RYR2: variants seen among roughly 807,000 people sequenced by gnomAD.
The protein encoded by RYR2 is cardiac muscle ryanodine receptor-calcium release channel.
In RYR2, 227 loss-of-function variants were observed where a neutral mutation model predicts 601.1. The ratio of observed to expected loss-of-function variants is 0.38; its 90% CI spans 0.34 to 0.42. The LOEUF (loss-of-function observed/expected upper bound fraction) is 0.42, where lower values mean the gene tolerates loss of function less well. Ranked by LOEUF, RYR2 falls within the 10% of genes least tolerant of loss-of-function variation. The probability of loss-of-function intolerance (pLI) is 1.00; values close to 1 mark genes in which losing one functional copy is unlikely to be tolerated. For missense variants in RYR2, 4,646 were observed against 6,156.5 expected (o/e 0.75, Z 8.21); for synonymous variants, 2,223 against 2,175.1 (o/e 1.02, Z -0.61).
At chr1:237,685,525 A>C (rs535699085) in intron 62 of RYR2, among the ~76,000 whole-genome samples, 1 of 152,378 alleles carries the variant, frequency 6.6e-6, no homozygotes, top group East Asian at 1.9e-4. Context: ...ATTCTGGATC[A>C]TCAAGAATAT....
intron 40 of RYR2, among the ~76,000 whole-genome samples, chr1:237,626,825 C>G (rs572907849): frequency 6.6e-6 from 1 of 151,940 alleles, no homozygotes; most frequent in East Asian, 1.9e-4. Context: ...CCATCCACCT[C>G]AGATTCCCAA....
intron 90 of RYR2, among the ~76,000 whole-genome samples, chr1:237,785,615 G>A (rs764318792): frequency 3.9e-5 from 6 of 152,198 alleles, no homozygotes; most frequent in African/African-American, 1.2e-4. Flanking sequence ...TGGCAATGCC[G>A]CTATGGTTTA....
chr1:237,187,820 ATT>A (rs1679536640), intron 1 of RYR2, among the ~76,000 whole-genome samples: 3 of 152,200 alleles, frequency 2.0e-5, no homozygotes, highest in African/African-American at 7.2e-5. Context: ...GTGTCCAGAG[ATT>A]ATTTGAGATT....
At position 237,163,317 on chromosome 1, in the gene RYR2, T is replaced by A. The variant is rs947952725; in HGVS notation, c.49-107180T>A. ...TCCTCACCAGTTACAGAAAAGAGGT[T>A]GTAGCTAGCAAAAAGTACCGCCCAC... On this transcript the variant is annotated intron_variant, in intron 1 of 104. Coordinates refer to ENST00000366574, the MANE Select transcript of RYR2 (RefSeq NM_001035.3). Among the ~76,000 whole-genome samples the A allele has an allele frequency of 2.0e-5, 3 of 151,880 alleles. No individual in the cohort carries two copies. In the East Asian group the frequency reaches 5.8e-4, roughly 30 times the overall value.
intron 41 of RYR2, among the ~76,000 whole-genome samples, 173 bp from the exon 42 acceptor site, chr1:237,631,251 TATC>T (rs1369094122): frequency 6.6e-6 from 1 of 152,204 alleles, no homozygotes; most frequent in East Asian, 1.9e-4. Context: ...TTTGGTAAAT[TATC>T]AATATTTTTG....
intron 21 of RYR2, among the ~76,000 whole-genome samples, chr1:237,502,232 A>G (rs1664714535): frequency 6.6e-6 from 1 of 152,232 alleles, no homozygotes; most frequent in African/African-American, 2.4e-5. Context: ...CAGGAAATAT[A>G]TATCATTTAA....
chr1:237,382,372 T>A (rs914615517), intron 8 of RYR2, among the ~76,000 whole-genome samples: 3 of 152,192 alleles, frequency 2.0e-5, no homozygotes, highest in African/African-American at 7.2e-5. Flanking sequence ...CTTTTTTTAT[T>A]TTTTATTGTT....
chr1:237,452,943 AT>A (rs1352917717), intron 14 of RYR2, among the ~76,000 whole-genome samples: 1 of 152,016 alleles, frequency 6.6e-6, no homozygotes, highest in Non-Finnish European at 1.5e-5. Context: ...TACATTCCTC[AT>A]GGTAGATATG....
chr1:237,187,173 C>CTT (rs71178402), intron 1 of RYR2, among the ~76,000 whole-genome samples: 30 of 146,700 alleles, frequency 2.0e-4, no homozygotes, highest in Non-Finnish European at 3.2e-4. Flanking sequence ...GTCACATAGA[C>CTT]TTTTTTTTTT....
chr1:237,769,883 A>G (rs1694141063), intron 84 of RYR2, among the ~76,000 whole-genome samples: 2 of 152,084 alleles, frequency 1.3e-5, no homozygotes, highest in Admixed American at 1.3e-4. Flanking sequence ...TCTGTCTTGA[A>G]AATCAGCTTC....
intron 76 of RYR2, among the ~76,000 whole-genome samples, chr1:237,727,739 G>A (rs1317060978): frequency 6.6e-6 from 1 of 152,040 alleles, no homozygotes. Context: ...TAGCATTAGG[G>A]GAAAAGAACT....
At chr1:237,302,537 C>G (rs751467820) in intron 2 of RYR2, among the ~76,000 whole-genome samples, 1 of 152,138 alleles carries the variant, frequency 6.6e-6, no homozygotes, top group Non-Finnish European at 1.5e-5. Flanking sequence ...AAACTGGTGT[C>G]CCTGAATTAT....
intron 56 of RYR2, among the ~76,000 whole-genome samples, chr1:237,664,100 T>G (rs2148861163): frequency 6.6e-6 from 1 of 152,316 alleles, no homozygotes; most frequent in Admixed American, 6.5e-5. Context: ...TTTCTTACCT[T>G]GTATCTGTTT....
chr1:237,724,543 CA>C (rs1558293632), intron 74 of RYR2, among the ~76,000 whole-genome samples: 1 of 151,782 alleles, frequency 6.6e-6, no homozygotes, highest in Non-Finnish European at 1.5e-5. Context: ...TGGCTATTAA[CA>C]TATATTTACG....
At chr1:237,643,265 T>G in intron 47 of RYR2, 62 bp from the exon 48 acceptor site, 1 of 1,585,808 alleles carries the variant, frequency 6.3e-7, no homozygotes, top group Admixed American at 1.7e-5. Flanking sequence ...TCAGATTTCC[T>G]AGACAGAATT....
intron 33 of RYR2, among the ~76,000 whole-genome samples, chr1:237,595,254 T>C (rs1041124197): frequency 6.6e-6 from 1 of 152,154 alleles, no homozygotes; most frequent in Non-Finnish European, 1.5e-5. Flanking sequence ...TCTTACTTGG[T>C]TCCAACTTGT....
intron 24 of RYR2, among the ~76,000 whole-genome samples, chr1:237,519,877 T>G (rs1258581416): frequency 1.3e-5 from 2 of 152,208 alleles, no homozygotes; most frequent in African/African-American, 4.8e-5. Flanking sequence ...GGCAATATTG[T>G]CATTTTAACA....
At chr1:237,265,777 G>A (rs1274641868) in intron 1 of RYR2, among the ~76,000 whole-genome samples, 1 of 152,210 alleles carries the variant, frequency 6.6e-6, no homozygotes, top group Non-Finnish European at 1.5e-5. Context: ...AGTGGATTTT[G>A]AAGATGTCAA....
chr1:237,089,148 T>G (rs1666676916), intron 1 of RYR2, among the ~76,000 whole-genome samples: 1 of 152,202 alleles, frequency 6.6e-6, no homozygotes, highest in African/African-American at 2.4e-5. Context: ...GCCAATTACA[T>G]CCATTTCATC....
Sources: allele counts gnomAD v4.1 joint callset (sites outside exome capture counted in the v4.1 genomes callset), GRCh38; gene constraint gnomAD v4.1.1; transcripts MANE v1.5; gene names NCBI Gene and HGNC (gene_info 2026-07-23, HGNC 2026-07-21).